DLGAP4: variants seen among roughly 807,000 people sequenced by gnomAD.
DLGAP4 encodes the protein disks large-associated protein 4.
DLGAP4 carries 18 observed loss-of-function variants against 86.9 expected under a neutral mutation model. The ratio of observed to expected loss-of-function variants is 0.21; its 90% CI spans 0.14 to 0.31. The LOEUF (loss-of-function observed/expected upper bound fraction) is 0.31, where lower values mean the gene tolerates loss of function less well. Ranked by LOEUF, DLGAP4 falls within the 10% of genes least tolerant of loss-of-function variation. The pLI, the probability that DLGAP4 is intolerant of heterozygous loss-of-function variation, is 1.00. For missense variants in DLGAP4, 1,085 were observed against 1,362.6 expected, an observed-to-expected ratio of 0.80 and a Z score of 3.21; for synonymous variants, 548 against 574.3, an observed-to-expected ratio of 0.95 and a Z score of 0.65.
chr20:36,421,182 G>A (rs113038868), intron 2 of DLGAP4, among the ~76,000 whole-genome samples: 2,171 of 152,072 alleles, frequency 0.014, 17 homozygotes, highest in Non-Finnish European at 0.019. Flanking sequence ...GGGGCCGGGC[G>A]CGGTGGCTCA....
chr20:36,370,495 A>T (rs115639075), intron 2 of DLGAP4, among the ~76,000 whole-genome samples: 1,595 of 152,000 alleles, frequency 0.01, 28 homozygotes, highest in African/African-American at 0.036. Context: ...CAAAAAAAAA[A>T]GTATTAAAGG....
chr20:36,430,447 T>G (rs999336897), intron 2 of DLGAP4, among the ~76,000 whole-genome samples: 4 of 152,060 alleles, frequency 2.6e-5, no homozygotes, highest in African/African-American at 9.7e-5. Context: ...GACATAGGAA[T>G]TCCTCTGTTA....
chr20:36,389,083 G>C (rs572803800), intron 2 of DLGAP4, among the ~76,000 whole-genome samples: 1 of 152,290 alleles, frequency 6.6e-6, no homozygotes, highest in South Asian at 2.1e-4. Flanking sequence ...CAGGTTTGCA[G>C]GGTCAGGAGT....
At chr20:36,519,448 G>A (rs1017600849) in intron 10 of DLGAP4, among the ~76,000 whole-genome samples, 1 of 152,114 alleles carries the variant, frequency 6.6e-6, no homozygotes, top group Non-Finnish European at 1.5e-5. Context: ...GTGTGCGTGC[G>A]TGCATGTACA....
chr20:36,467,011 CTCTCTCCT>C (rs1261133892), intron 7 of DLGAP4, among the ~76,000 whole-genome samples: 29 of 132,642 alleles, frequency 2.2e-4, no homozygotes, highest in Admixed American at 1.8e-3. Flanking sequence ...CTCTCTCTCT[CTCTCTCCT>C]CTCTCTCTCT....
intron 1 of DLGAP4, among the ~76,000 whole-genome samples, chr20:36,334,968 C>A (rs1004775285): frequency 2.0e-5 from 3 of 152,172 alleles, no homozygotes; most frequent in Non-Finnish European, 4.4e-5. Flanking sequence ...CATTTTAATT[C>A]TCCGACAGTC....
At chr20:36,425,130 A>G (rs1163614732) in intron 2 of DLGAP4, among the ~76,000 whole-genome samples, 1 of 152,292 alleles carries the variant, frequency 6.6e-6, no homozygotes, top group East Asian at 1.9e-4. Context: ...AATACTACCA[A>G]AACCCCACAA....
In DLGAP4 at chr20:36,325,919, T is replaced by C. The variant is rs62213220; in HGVS notation, c.-304+19407T>C. Among the ~76,000 whole-genome samples, 1,355 of 152,182 alleles carry C rather than the reference T, an allele frequency of 8.9e-3. 12 individuals carry two copies. The highest frequency in any genetic ancestry group is 0.027 in the Middle Eastern group (8 of 294). On this transcript the variant is annotated intron_variant, in intron 1 of 12. Coordinates refer to ENST00000339266, the MANE Select transcript of DLGAP4 (RefSeq NM_001365621.2). ...TTTTAGTAGAGACAGGGTTTCACTA[T>C]GTTGACCAGACTGGTCTTGAACTCC...
At chr20:36,450,071 A>G (rs2033695714) in intron 7 of DLGAP4, among the ~76,000 whole-genome samples, 1 of 152,208 alleles carries the variant, frequency 6.6e-6, no homozygotes, top group Admixed American at 6.5e-5. Flanking sequence ...CTCATGTCAT[A>G]CCTGCTAACA....
intron 2 of DLGAP4, among the ~76,000 whole-genome samples, chr20:36,369,465 C>T (rs200103784): frequency 4.6e-5 from 7 of 152,158 alleles, no homozygotes; most frequent in African/African-American, 7.2e-5. Flanking sequence ...TGGTGGCAGG[C>T]GCTTGTAATC....
chr20:36,448,121 C>T (rs750417461), intron 7 of DLGAP4, among the ~76,000 whole-genome samples: 5 of 151,422 alleles, frequency 3.3e-5, no homozygotes, highest in Non-Finnish European at 7.4e-5. Context: ...TTTGGGGGGC[C>T]GAGGCAGATC....
chr20:36,348,954 T>C (rs2030039069), intron 1 of DLGAP4, among the ~76,000 whole-genome samples: 1 of 150,366 alleles, frequency 6.7e-6, no homozygotes, highest in East Asian at 2.0e-4. Flanking sequence ...TACAAAAAAA[T>C]TAGCTGGGTG....
intron 2 of DLGAP4, among the ~76,000 whole-genome samples, chr20:36,389,467 C>T (rs2031713971): frequency 6.6e-6 from 1 of 152,136 alleles, no homozygotes; most frequent in South Asian, 2.1e-4. Context: ...GTGGGGATTA[C>T]AGGAGATAAT....
chr20:36,477,814 C>T (rs1003458435), intron 7 of DLGAP4, among the ~76,000 whole-genome samples: 1 of 152,172 alleles, frequency 6.6e-6, no homozygotes, highest in Non-Finnish European at 1.5e-5. Flanking sequence ...GAAAATAGGA[C>T]GCCTGATCCC....
chr20:36,355,173 G>A (rs1555893743), intron 1 of DLGAP4, among the ~76,000 whole-genome samples: 1 of 152,014 alleles, frequency 6.6e-6, no homozygotes, highest in African/African-American at 2.4e-5. Flanking sequence ...GATCTGCTTT[G>A]TCTCTATAGT....
At chr20:36,395,993 G>A (rs1477857845) in intron 2 of DLGAP4, among the ~76,000 whole-genome samples, 2 of 152,084 alleles carry the variant, frequency 1.3e-5, no homozygotes, top group African/African-American at 2.4e-5. Flanking sequence ...TGAGGCCCAG[G>A]CCTGCCTGGT....
At position 36,428,357 on chromosome 20, in the gene DLGAP4, G is replaced by A. The variant is rs377007302; in HGVS notation, c.-72-3289G>A. ...ACCATATTGGACAGCTCAGATCTAGGGGAAGATGGACAAGAAACTAGCAAA... is the reference window on the plus strand; with the variant it reads ...ACCATATTGGACAGCTCAGATCTAGAGGAAGATGGACAAGAAACTAGCAAA... On this transcript the variant is annotated intron_variant, in intron 2 of 12. Transcript: ENST00000339266. 4.6e-5 allele frequency among the ~76,000 whole-genome samples: 7 copies of A among 152,316 alleles called. No homozygotes were observed. In the South Asian group the frequency reaches 8.3e-4, roughly 18 times the overall value.
intron 10 of DLGAP4, among the ~76,000 whole-genome samples, chr20:36,504,756 T>C (rs759412946): frequency 6.6e-6 from 1 of 152,254 alleles, no homozygotes; most frequent in African/African-American, 2.4e-5. Context: ...TCCCTTATGA[T>C]ATTGAGCATC....
At chr20:36,332,047 G>A (rs1346035454) in intron 1 of DLGAP4, among the ~76,000 whole-genome samples, 1 of 152,210 alleles carries the variant, frequency 6.6e-6, no homozygotes, top group East Asian at 1.9e-4. Context: ...AAGGACATGG[G>A]TTTTCCCTGA....
Sources: gnomAD v4.1 joint callset for allele counts (sites outside exome capture counted in the v4.1 genomes callset) on GRCh38, gnomAD v4.1.1 for gene constraint, MANE v1.5 for transcripts, NCBI Gene and HGNC (gene_info 2026-07-23, HGNC 2026-07-21) for gene names.